The following SIPA1L1 variants were observed in gnomAD, a reference collection of about 807,000 sequenced individuals.
The protein encoded by SIPA1L1 is signal-induced proliferation-associated 1-like protein 1.
Under a neutral mutation model 162.7 loss-of-function variants are expected in SIPA1L1, and 26 were observed. The observed-to-expected ratio is 0.16, with a 90% CI of 0.12 to 0.22. The LOEUF (loss-of-function observed/expected upper bound fraction) is 0.22. SIPA1L1 is among the 10% of genes least tolerant of loss of function. The pLI is 1.00. For synonymous variants in SIPA1L1, 829 were observed against 837.4 expected (o/e 0.99, Z 0.17); for missense variants, 1,874 against 2,241.0 (o/e 0.84, Z 3.31).
chr14:71,719,098 C>A (rs2083487789), intron 17 of SIPA1L1, among the ~76,000 whole-genome samples: 1 of 152,022 alleles, frequency 6.6e-6, no homozygotes, highest in South Asian at 2.1e-4. Context: ...GCCACCACAC[C>A]TGGCTAATTT....
At chr14:71,459,443 A>G (rs886115835) in intron 2 of SIPA1L1, among the ~76,000 whole-genome samples, 46 of 152,024 alleles carry the variant, frequency 3.0e-4, no homozygotes, top group African/African-American at 9.4e-4. Context: ...TAGGATATCT[A>G]TCTATCTATC....
intron 4 of SIPA1L1, among the ~76,000 whole-genome samples, chr14:71,556,633 G>A (rs995042033): frequency 2.0e-5 from 3 of 152,376 alleles, no homozygotes; most frequent in Non-Finnish European, 4.4e-5. Flanking sequence ...CAGATGAAGC[G>A]TTGTGTAGGG....
chr14:71,399,273 A>G (rs2041475523), intron 2 of SIPA1L1, among the ~76,000 whole-genome samples: 1 of 152,190 alleles, frequency 6.6e-6, no homozygotes, highest in Non-Finnish European at 1.5e-5. Context: ...TGATGTTTGT[A>G]TTATCCACCC....
intron 9 of SIPA1L1, among the ~76,000 whole-genome samples, chr14:71,661,048 G>A (rs1307009947): frequency 2.0e-5 from 3 of 152,196 alleles, no homozygotes; most frequent in African/African-American, 7.2e-5. Flanking sequence ...TGGTGATGTT[G>A]GGACCTGGCA....
At chr14:71,728,988 G>A (rs2084496568) in intron 19 of SIPA1L1, among the ~76,000 whole-genome samples, 1 of 152,158 alleles carries the variant, frequency 6.6e-6, no homozygotes, top group African/African-American at 2.4e-5. Flanking sequence ...TATTTGTCAT[G>A]TATATTTAAA....
chr14:71,534,382 G>C (rs576617864), intron 4 of SIPA1L1, among the ~76,000 whole-genome samples: 5 of 152,264 alleles, frequency 3.3e-5, no homozygotes, highest in South Asian at 2.1e-4. Flanking sequence ...TTATTTATTC[G>C]TGGCAGCAAA....
intron 2 of SIPA1L1, among the ~76,000 whole-genome samples, chr14:71,426,489 T>C (rs2043573884): frequency 6.8e-6 from 1 of 148,092 alleles, no homozygotes; most frequent in African/African-American, 2.5e-5. Flanking sequence ...TTTCTTTCTT[T>C]TTTTTTTTTT....
chr14:71,654,868 A>G (rs1436944914), intron 8 of SIPA1L1, among the ~76,000 whole-genome samples: 5 of 152,112 alleles, frequency 3.3e-5, no homozygotes, highest in African/African-American at 1.2e-4. Context: ...TAGTCATTCT[A>G]TTAAAACTTT....
chr14:71,343,285 C>T (rs956688900), intron 2 of SIPA1L1, among the ~76,000 whole-genome samples: 22 of 152,174 alleles, frequency 1.4e-4, no homozygotes, highest in African/African-American at 4.6e-4. Flanking sequence ...CTAAATATTA[C>T]CTAATATTCA....
intron 4 of SIPA1L1, among the ~76,000 whole-genome samples, chr14:71,556,356 A>G (rs1393387203): frequency 1.3e-5 from 2 of 152,190 alleles, no homozygotes; most frequent in African/African-American, 4.8e-5. Flanking sequence ...CAAACAGCGT[A>G]CACTGGCTGG....
chr14:71,678,088 A>G (rs1363157133), intron 12 of SIPA1L1, among the ~76,000 whole-genome samples: 1 of 152,198 alleles, frequency 6.6e-6, no homozygotes, highest in Non-Finnish European at 1.5e-5. Flanking sequence ...ATCTGCAAAC[A>G]GGGACAATTT....
intron 2 of SIPA1L1, among the ~76,000 whole-genome samples, chr14:71,440,909 C>T (rs2044798603): frequency 6.6e-6 from 1 of 152,128 alleles, no homozygotes; most frequent in Non-Finnish European, 1.5e-5. Context: ...GTGCGTGATA[C>T]CTCTTTTTTC....
chr14:71,735,538 C>G, intron 22 of SIPA1L1, 147 bp downstream of exon 22: 1 of 550,010 alleles, frequency 1.8e-6, no homozygotes, highest in South Asian at 2.7e-5. Flanking sequence ...TTAGTCAGAA[C>G]GCTTTGTAAC....
chr14:71,662,213 G>A (rs973011326), intron 10 of SIPA1L1, among the ~76,000 whole-genome samples: 2 of 152,220 alleles, frequency 1.3e-5, no homozygotes, highest in African/African-American at 4.8e-5. Context: ...TGCATAGAAA[G>A]TGACCTGTGC....
intron 21 of SIPA1L1, among the ~76,000 whole-genome samples, chr14:71,734,932 C>T (rs776643200): frequency 7.2e-5 from 11 of 152,198 alleles, no homozygotes; most frequent in Non-Finnish European, 1.0e-4. Flanking sequence ...TGCTAGCTCT[C>T]GAACGCATTT....
chr14:71,634,056 C>CAA (rs554210948), intron 7 of SIPA1L1, among the ~76,000 whole-genome samples: 7 of 121,292 alleles, frequency 5.8e-5, no homozygotes, highest in African/African-American at 1.5e-4. Flanking sequence ...ACACTAAATA[C>CAA]AAAAAAAAAA....
chr14:71,537,592 A>G (rs965100920), intron 4 of SIPA1L1, among the ~76,000 whole-genome samples: 2 of 152,304 alleles, frequency 1.3e-5, no homozygotes, highest in African/African-American at 4.8e-5. Flanking sequence ...GAGGATTTAG[A>G]TAAAGTATTT....
chr14:71,510,002 G>A (rs2050993079), intron 2 of SIPA1L1, among the ~76,000 whole-genome samples: 1 of 151,964 alleles, frequency 6.6e-6, no homozygotes, highest in South Asian at 2.1e-4. Flanking sequence ...CTTGACACAA[G>A]TGCCCCCACT....
chr14:71,362,432 G>C (rs1453680088), intron 2 of SIPA1L1, among the ~76,000 whole-genome samples: 1 of 152,166 alleles, frequency 6.6e-6, no homozygotes, highest in Non-Finnish European at 1.5e-5. Context: ...TGGAAGGCTG[G>C]GGTTTGAGCT....
Sources: allele counts gnomAD v4.1 joint callset (sites outside exome capture counted in the v4.1 genomes callset), GRCh38; gene constraint gnomAD v4.1.1; transcripts MANE v1.5; gene names NCBI Gene and HGNC (gene_info 2026-07-23, HGNC 2026-07-21).